Variants in EARS2 observed in about 807,000 individuals in gnomAD.
EARS2 encodes the protein nondiscriminating glutamyl-tRNA synthetase EARS2, mitochondrial.
A neutral mutation model predicts 54.1 loss-of-function variants in EARS2; 50 were observed. The observed-to-expected ratio is 0.92, with a 90% CI of 0.74 to 1.17. EARS2 has a LOEUF of 1.17. EARS2 is among the 50% of genes most tolerant of loss of function. The probability of loss-of-function intolerance (pLI) is 0.00; values close to 1 mark genes in which losing one functional copy is unlikely to be tolerated. For synonymous variants in EARS2, 298 were observed against 281.0 expected (o/e 1.06, Z -0.61); for missense variants, 673 against 675.0 (o/e 1.00, Z 0.03).
chr16:23,533,319 T>G (rs1305816243), intron 4 of EARS2, among the ~76,000 whole-genome samples: 1 of 152,040 alleles, frequency 6.6e-6, no homozygotes, highest in East Asian at 1.9e-4. Context: ...ACATACATTT[T>G]TCTGTAGACA....
At chr16:23,545,182 G>A (rs1330935048) in intron 2 of EARS2, 1 of 154,610 alleles carries the variant, frequency 6.5e-6, no homozygotes, top group Non-Finnish European at 1.4e-5. Context: ...ACACAGAGAG[G>A]TGAAGCACTC....
intron 3 of EARS2, among the ~76,000 whole-genome samples, chr16:23,541,494 C>T (rs1965511093): frequency 6.6e-6 from 1 of 152,088 alleles, no homozygotes; most frequent in Non-Finnish European, 1.5e-5. Flanking sequence ...GTAAATTGCA[C>T]CACATAGCAT....
intron 1 of EARS2, 37 bp downstream of exon 1, chr16:23,557,168 G>A (rs767387586): frequency 6.6e-7 from 1 of 1,504,924 alleles, no homozygotes; most frequent in Non-Finnish European, 8.8e-7. Context: ...ACGGGACAGG[G>A]GGCCTCGGCC....
chr16:23,552,487 G>A (rs1161255120), intron 1 of EARS2, among the ~76,000 whole-genome samples, 183 bp from the exon 2 acceptor site: 2 of 151,466 alleles, frequency 1.3e-5, no homozygotes, highest in Admixed American at 6.6e-5. Flanking sequence ...CTTGAGCCCA[G>A]GAGGTTCCTG....
In EARS2 at chr16:23,522,465, C is replaced by T. The variant is rs188533700; in HGVS notation, c.*1906G>A. ...TAGCTAGTTCCTGTCTTTTCCAAAA[C>T]CTGTTTTTTTTTTGGCTTTTTGGTA... On this transcript the variant is annotated 3_prime_UTR_variant, in exon 9 of 9. Coordinates refer to ENST00000449606, the MANE Select transcript of EARS2 (RefSeq NM_001083614.2). 6.6e-6 allele frequency: 1 copy of T among 151,892 alleles called. No homozygotes were observed. The highest frequency in any genetic ancestry group is 2.4e-5 in the African/African-American group (1 of 41,124). The allele number at this position is 151,892 out of a possible 1,614,324, so 9.4% of individuals were successfully genotyped here.
chr16:23,534,792 G>T, intron 4 of EARS2, 96 bp downstream of exon 4: 1 of 1,112,366 alleles, frequency 9.0e-7, no homozygotes, highest in Non-Finnish European at 1.3e-6. Flanking sequence ...CTGGTAGGTG[G>T]CAAAGCTGGG....
rs868383729 is a variant in EARS2 at position 23,527,788 on chromosome 16, C to T, written c.1352+1714G>A. Among the ~76,000 whole-genome samples the T allele has an allele frequency of 2.8e-4, 42 of 152,226 alleles. 1 individual carries two copies. In the Middle Eastern group the frequency reaches 0.017, roughly 62 times the overall value. On this transcript the variant is annotated intron_variant, in intron 7 of 8. Coordinates refer to ENST00000449606, the MANE Select transcript of EARS2 (RefSeq NM_001083614.2). ...CAGGATGGTCTTGATCTCCTGACCTCGTGATCGGCCCGCCTGGGCCTCACA... is the reference window on the plus strand; with the variant it reads ...CAGGATGGTCTTGATCTCCTGACCTTGTGATCGGCCCGCCTGGGCCTCACA...
Position 23,529,893 on chromosome 16 carries a change from G to T in EARS2, c.1072C>A (p.His358Asn), listed in dbSNP as rs1412813544. Residue 358 changes from histidine to asparagine, a missense_variant, in exon 6 of 9, where the codon CAC becomes AAC. His to Asn is a moderately conservative substitution (Grantham distance 68). Transcript: ENST00000449606. ...LEKLPEFNRLHLQRLVSNESQ... is the reference protein window; with the variant it reads ...LEKLPEFNRLNLQRLVSNESQ... ...TCATTGCTCACCAGCCGCTGGAGGT[G>T]CAGTCTGCGGAAGAAATCAAGGGGC... 2 of 1,613,896 alleles carry T rather than the reference G, an allele frequency of 1.2e-6. No homozygotes were observed. The highest frequency in any genetic ancestry group is 1.7e-6 in the Non-Finnish European group (2 of 1,180,004).
chr16:23,547,249 A>G (rs1423143689), intron 2 of EARS2, among the ~76,000 whole-genome samples: 3 of 152,220 alleles, frequency 2.0e-5, no homozygotes, highest in Admixed American at 1.3e-4. Context: ...CCAGTCACAG[A>G]AGGCCATATA....
At chr16:23,531,030 T>C (rs915015101) in intron 5 of EARS2, among the ~76,000 whole-genome samples, 1 of 151,556 alleles carries the variant, frequency 6.6e-6, no homozygotes, top group African/African-American at 2.4e-5. Context: ...TAGCTGAGAC[T>C]ACAGGCGCCC....
chr16:23,527,789 G>A (rs1046767326), intron 7 of EARS2, among the ~76,000 whole-genome samples: 1 of 152,120 alleles, frequency 6.6e-6, no homozygotes, highest in South Asian at 2.1e-4. Flanking sequence ...TCCTGACCTC[G>A]TGATCGGCCC....
At chr16:23,530,654 G>A (rs1046320190) in intron 5 of EARS2, among the ~76,000 whole-genome samples, 9 of 152,080 alleles carry the variant, frequency 5.9e-5, no homozygotes, top group African/African-American at 2.2e-4. Context: ...GATCACTTGA[G>A]GCCAGGAGTT....
chr16:23,532,756 A>G lies in EARS2; in HGVS notation c.968T>C (p.Met323Thr), dbSNP rs747800035. The stretch of plus-strand genomic sequence containing the variant: ...GATCAGCTCCGGCAGGGTCCTGCCC[A>G]TTTGGTTCTCTGCAAAGAAGAGAGG... Reference protein sequence around the residue: ...NCGSGFAENQMGRTLPELITQ... With the variant: ...NCGSGFAENQTGRTLPELITQ... Residue 323 changes from methionine (M) to threonine (T), a missense_variant, in exon 5 of 9, where the codon ATG (methionine) becomes ACG (threonine). Transcript: ENST00000449606. 1.9e-6 allele frequency: 3 copies of G among 1,611,990 alleles called. No homozygotes were observed. Among genetic ancestry groups the G allele is most frequent in the Admixed American group, 1.7e-5 (1 of 59,916 alleles).
rs1965212361 is a variant in EARS2, at chr16:23,525,482, C to T, written c.1353-103G>A. 4.7e-6 allele frequency: 6 copies of T among 1,287,872 alleles called. No homozygotes were observed. In the East Asian group the frequency reaches 7.0e-5, roughly 15 times the overall value. 79.8% of individuals were successfully genotyped at this position (1,287,872 alleles called of 1,614,324 possible). A position where few individuals can be genotyped will look rare whatever the true frequency, so the allele number is the denominator to read the frequency against. On this transcript the variant is annotated intron_variant, in intron 7 of 8. Transcript: ENST00000449606. ...TTGATCAGCTACAGTACGAGCAGCA[C>T]AACCAATGTTCAAGCCTGTTTTGAG...
intron 3 of EARS2, among the ~76,000 whole-genome samples, chr16:23,540,375 C>T (rs1249878865): frequency 6.6e-6 from 1 of 152,198 alleles, no homozygotes; most frequent in African/African-American, 2.4e-5. Context: ...GGCAATGTCA[C>T]CGTAAACGTC....
chr16:23,540,316 A>G (rs1164612509), intron 3 of EARS2, among the ~76,000 whole-genome samples: 1 of 152,066 alleles, frequency 6.6e-6, no homozygotes, highest in Non-Finnish European at 1.5e-5. Flanking sequence ...GAATGAGATG[A>G]GAAAAAAAAT....
intron 3 of EARS2, among the ~76,000 whole-genome samples, chr16:23,537,806 T>C (rs1965447733): frequency 6.6e-6 from 1 of 151,248 alleles, no homozygotes. Context: ...TTTTTTTTTT[T>C]TTTGAGTCAG....
intron 2 of EARS2, among the ~76,000 whole-genome samples, chr16:23,545,847 G>A (rs987416286): frequency 3.3e-5 from 5 of 152,046 alleles, no homozygotes; most frequent in Non-Finnish European, 7.4e-5. Context: ...AGTAGAGAGC[G>A]AGTCTTGCTG....
chr16:23,525,490 G>C, intron 7 of EARS2, 111 bp from the exon 8 acceptor site: 1 of 1,238,310 alleles, frequency 8.1e-7, no homozygotes, highest in Non-Finnish European at 1.1e-6. Flanking sequence ...CACAACCAAT[G>C]TTCAAGCCTG....
Sources: allele counts gnomAD v4.1 joint callset (sites outside exome capture counted in the v4.1 genomes callset), GRCh38; gene constraint gnomAD v4.1.1; transcripts MANE v1.5; gene names NCBI Gene and HGNC (gene_info 2026-07-23, HGNC 2026-07-21).